SMG6: variants seen among roughly 807,000 people sequenced by gnomAD.
SMG6 encodes the protein SMG6 nonsense mediated mRNA decay factor.
A neutral mutation model predicts 142.2 loss-of-function variants in SMG6; 66 were observed. That is an observed-to-expected ratio of 0.46 (90% confidence interval 0.38 to 0.57). The LOEUF (loss-of-function observed/expected upper bound fraction) is 0.57. Ranked by LOEUF, SMG6 falls within the 20% of genes least tolerant of loss-of-function variation. The pLI, the probability that SMG6 is intolerant of heterozygous loss-of-function variation, is 0.00. For synonymous variants in SMG6, 779 were observed against 702.4 expected, an observed-to-expected ratio of 1.11 and a Z score of -1.72; for missense variants, 1,793 against 1,832.0, an observed-to-expected ratio of 0.98 and a Z score of 0.39.
chr17:2,121,583 C>A (rs56092218), intron 13 of SMG6, among the ~76,000 whole-genome samples: 52,928 of 118,120 alleles, frequency 0.45, 10,702 homozygotes, highest in African/African-American at 0.57. Flanking sequence ...ATGTACATGT[C>A]TGTCTGTGTG....
chr17:2,284,348 T>C (rs2074857665), intron 6 of SMG6, among the ~76,000 whole-genome samples: 1 of 152,194 alleles, frequency 6.6e-6, no homozygotes, highest in Non-Finnish European at 1.5e-5. Context: ...CCATTGTTAT[T>C]GATAATTTTT....
chr17:2,169,416 G>C (rs2071436817), intron 13 of SMG6, among the ~76,000 whole-genome samples: 1 of 152,028 alleles, frequency 6.6e-6, no homozygotes, highest in South Asian at 2.1e-4. Flanking sequence ...ATACATGATA[G>C]ATACTCAGGA....
intron 13 of SMG6, among the ~76,000 whole-genome samples, chr17:2,104,814 T>C (rs1386997134): frequency 6.6e-6 from 1 of 152,180 alleles, no homozygotes; most frequent in Non-Finnish European, 1.5e-5. Context: ...GAACCCAGAT[T>C]TGTCTTACTC....
chr17:2,279,410 ATT>A (rs1326151048), intron 8 of SMG6, among the ~76,000 whole-genome samples: 3 of 152,236 alleles, frequency 2.0e-5, no homozygotes, highest in Non-Finnish European at 2.9e-5. Context: ...TTTAGACCTG[ATT>A]GTAAGAGCAC....
rs745348854 is a variant in SMG6 at position 2,236,499 on chromosome 17, C to G, written c.2862G>C (p.Gln954His). The change falls in exon 10 of 19, where the codon CAG (glutamine) becomes CAC (histidine). Residue 954 changes from glutamine (Q) to histidine (H), a missense_variant. Around this residue, in one of 3 missense-constraint regions of SMG6, gnomAD observed 1,597 missense variants for 1,584.6 expected, o/e 1.01. Coordinates refer to ENST00000263073, the MANE Select transcript of SMG6 (RefSeq NM_017575.5). Reference sequence around the variant, plus strand: ...AAACTAAACATGCCTTACCTTTCAGCTGGGAGTTGTGTACTGCAAACATAT... The same window carrying G: ...AAACTAAACATGCCTTACCTTTCAGGTGGGAGTTGTGTACTGCAAACATAT... ...TINMFAVHNSQLKDCFSEECR... is the reference protein window; with the variant it reads ...TINMFAVHNSHLKDCFSEECR... 2 of 1,612,106 alleles carry G rather than the reference C, an allele frequency of 1.2e-6. No individual in the cohort carries two copies. The highest frequency in any genetic ancestry group is 1.7e-6 in the Non-Finnish European group (2 of 1,179,154).
intron 6 of SMG6, among the ~76,000 whole-genome samples, chr17:2,291,851 T>TAAAA (rs757731719): frequency 1.1e-3 from 109 of 100,760 alleles, no homozygotes; most frequent in African/African-American, 3.6e-3. Context: ...CCTGCCTCTC[T>TAAAA]TAAAAAAAAA....
intron 9 of SMG6, among the ~76,000 whole-genome samples, chr17:2,241,740 A>G (rs1203341799): frequency 6.6e-6 from 1 of 152,288 alleles, no homozygotes; most frequent in African/African-American, 2.4e-5. Context: ...AACTTATTCC[A>G]AAATATGTGT....
intron 13 of SMG6, chr17:2,087,501 A>AG (rs779804553): frequency 1.9e-5 from 20 of 1,044,298 alleles, no homozygotes; most frequent in Non-Finnish European, 2.3e-5. Context: ...TGGAATCTCA[A>AG]GCTAAGTACT....
intron 4 of SMG6, among the ~76,000 whole-genome samples, chr17:2,294,437 G>A (rs1194114691): frequency 6.6e-6 from 1 of 152,166 alleles, no homozygotes; most frequent in Non-Finnish European, 1.5e-5. Context: ...CTGGACGATT[G>A]AGCCTCTGCT....
intron 13 of SMG6, among the ~76,000 whole-genome samples, chr17:2,130,086 C>T (rs2070058392): frequency 2.0e-5 from 3 of 150,928 alleles, no homozygotes; most frequent in African/African-American, 4.9e-5. Flanking sequence ...GGTGAAATCC[C>T]GTCTCTACTA....
At chr17:2,213,383 G>A (rs956392081) in intron 10 of SMG6, among the ~76,000 whole-genome samples, 2 of 152,180 alleles carry the variant, frequency 1.3e-5, no homozygotes, top group African/African-American at 2.4e-5. Flanking sequence ...GCCACAGATG[G>A]AGCTGTGGAG....
intron 6 of SMG6, 57 bp downstream of exon 6, chr17:2,292,495 C>A: frequency 6.5e-7 from 1 of 1,527,198 alleles, no homozygotes; most frequent in Non-Finnish European, 9.1e-7. Context: ...TTATCAAACT[C>A]CATATTGTAA....
At chr17:2,200,173 G>C (rs1043981679) in intron 10 of SMG6, 1 of 151,426 alleles carries the variant, frequency 6.6e-6, no homozygotes, top group Non-Finnish European at 1.5e-5. Flanking sequence ...CACCCACCTC[G>C]ACCTCCCAAA....
chr17:2,265,803 T>G (rs1597741441), intron 8 of SMG6: 3 of 194,278 alleles, frequency 1.5e-5, no homozygotes, highest in Non-Finnish European at 2.8e-5. Context: ...CCTGAATCAT[T>G]AGTCTGTTTA....
In SMG6 at chr17:2,188,473, G is replaced by A. The variant is rs775597344; in HGVS notation, c.2912C>T (p.Ala971Val). Reference protein sequence around the residue: ...EECRSVIQEQAAALGLAMFSL... With the variant: ...EECRSVIQEQVAALGLAMFSL... ...AAACATGGCCAAGCCCAGAGCTGCG[G>A]CTTGTTCCTGGATCACAGAGCGGCA... The change falls in exon 11 of 19, where the codon GCC becomes GTC. Residue 971 changes from alanine (A) to valine (V), a missense_variant. By Grantham distance (64) the Ala-to-Val change is moderately conservative. Transcript: ENST00000263073. 6.2e-6 allele frequency: 10 copies of A among 1,614,018 alleles called. No individual in the cohort carries two copies. Among genetic ancestry groups the A allele is most frequent in the East Asian group, 2.2e-5 (1 of 44,884 alleles).
intron 8 of SMG6, among the ~76,000 whole-genome samples, chr17:2,262,214 A>G (rs1200916252): frequency 2.0e-5 from 3 of 152,262 alleles, no homozygotes; most frequent in Non-Finnish European, 2.9e-5. Context: ...AACACAAAGC[A>G]TAACTTATTC....
At chr17:2,093,601 C>G (rs1247095525) in intron 13 of SMG6, among the ~76,000 whole-genome samples, 3 of 151,932 alleles carry the variant, frequency 2.0e-5, no homozygotes, top group Non-Finnish European at 2.9e-5. Flanking sequence ...GTCTGAGAGG[C>G]AAGGTGGGAA....
chr17:2,234,507 C>T (rs1030406383), intron 10 of SMG6, among the ~76,000 whole-genome samples: 1 of 152,040 alleles, frequency 6.6e-6, no homozygotes, highest in African/African-American at 2.4e-5. Flanking sequence ...AGGTGATCTG[C>T]CTGCCTTGGC....
intron 13 of SMG6, among the ~76,000 whole-genome samples, chr17:2,138,960 C>T (rs1175835689): frequency 6.6e-6 from 1 of 152,174 alleles, no homozygotes; most frequent in African/African-American, 2.4e-5. Flanking sequence ...AGCTGCTGAT[C>T]TTATCTCTAA....
Sources: allele counts gnomAD v4.1 joint callset (sites outside exome capture counted in the v4.1 genomes callset), GRCh38; gene constraint gnomAD v4.1.1; regional missense constraint gnomAD v4.1.1; transcripts MANE v1.5; gene names NCBI Gene and HGNC (gene_info 2026-07-23, HGNC 2026-07-21).